The following HTR4 variants were observed in gnomAD, a reference collection of about 807,000 sequenced individuals.
The protein encoded by HTR4 is 5-hydroxytryptamine (serotonin) receptor 4, G protein-coupled.
A neutral mutation model predicts 36.8 loss-of-function variants in HTR4; 16 were observed. That is an observed-to-expected ratio of 0.43 (90% confidence interval 0.29 to 0.66). The LOEUF is 0.66. HTR4 is among the 30% of genes least tolerant of loss of function. The pLI, the probability that HTR4 is intolerant of heterozygous loss-of-function variation, is 0.13. For missense variants in HTR4, 438 were observed against 490.9 expected (o/e 0.89, Z 1.02); for synonymous variants, 189 against 185.1 (o/e 1.02, Z -0.17).
At chr5:148,572,101 C>T (rs529776147) in intron 2 of HTR4, among the ~76,000 whole-genome samples, 11 of 152,048 alleles carry the variant, frequency 7.2e-5, no homozygotes, top group African/African-American at 1.9e-4. Context: ...TAATATGCAA[C>T]GTAATGTAAT....
chr5:148,652,736 C>T (rs964104919), intron 1 of HTR4, among the ~76,000 whole-genome samples: 1 of 151,996 alleles, frequency 6.6e-6, no homozygotes, highest in Middle Eastern at 3.2e-3. Flanking sequence ...CTGTGGCTCT[C>T]CTCTATAATA....
intron 2 of HTR4, among the ~76,000 whole-genome samples, chr5:148,575,710 T>A (rs762854673): frequency 6.6e-6 from 1 of 152,034 alleles, no homozygotes; most frequent in Non-Finnish European, 1.5e-5. Flanking sequence ...AGTCATAAAA[T>A]TGACTGCTAC....
intron 5 of HTR4, among the ~76,000 whole-genome samples, chr5:148,511,916 C>G (rs775886862): frequency 9.9e-5 from 15 of 152,116 alleles, no homozygotes; most frequent in Admixed American, 2.0e-4. Flanking sequence ...GTGTTTTTGA[C>G]TCTTTCCATT....
In HTR4 at chr5:148,481,989, A is replaced by G. The variant is rs1755908716; in HGVS notation, c.*1214T>C. 16 of 1,009,028 alleles carry G rather than the reference A, an allele frequency of 1.6e-5. No individual in the cohort carries two copies. Among genetic ancestry groups the G allele is most frequent in the Non-Finnish European group, 1.9e-5 (16 of 845,990 alleles). 62.5% of individuals were successfully genotyped at this position (1,009,028 alleles called of 1,614,324 possible). A position where few individuals can be genotyped will look rare whatever the true frequency, so the allele number is the denominator to read the frequency against. On this transcript the variant is annotated 3_prime_UTR_variant, in exon 7 of 7. Coordinates refer to ENST00000377888, the MANE Select transcript of HTR4 (RefSeq NM_000870.7). ...CTATAGCAGCATACTGTTGTCTTAG[A>G]AACAGAAAGAAAACTTAAAGGTCCT... is the stretch of plus-strand genomic sequence containing the variant.
intron 4 of HTR4, among the ~76,000 whole-genome samples, chr5:148,533,427 T>A (rs1271492318): frequency 6.6e-6 from 1 of 152,228 alleles, no homozygotes; most frequent in Non-Finnish European, 1.5e-5. Flanking sequence ...AAATGTGTGA[T>A]CAAATTGCTT....
intron 6 of HTR4, among the ~76,000 whole-genome samples, chr5:148,508,444 C>T (rs1213743975): frequency 6.6e-6 from 1 of 152,170 alleles, no homozygotes; most frequent in Non-Finnish European, 1.5e-5. Context: ...ACTCCAAAGT[C>T]ACTTCCACCT....
rs1253024128 is a variant in HTR4 at position 148,540,425 on chromosome 5, T to C, written c.353+8243A>G. Reference sequence around the variant, plus strand: ...GTATATATATATATATATATATATATATATATATATATATATATATATAAT... The same window carrying C: ...GTATATATATATATATATATATATACATATATATATATATATATATATAAT... On this transcript the variant is annotated intron_variant, in intron 4 of 6. Coordinates refer to ENST00000377888, the MANE Select transcript of HTR4 (RefSeq NM_000870.7). 5.9e-5 allele frequency among the ~76,000 whole-genome samples: 8 copies of C among 135,548 alleles called. No homozygotes were observed. In the East Asian group the frequency reaches 1.7e-3, roughly 29 times the overall value. The allele number at this position is 135,548 out of a possible 152,430, so 88.9% of individuals were successfully genotyped here. A position where few individuals can be genotyped will look rare whatever the true frequency, so the allele number is the denominator to read the frequency against.
At chr5:148,477,665 G>T (rs964829020), downstream of HTR4, among the ~76,000 whole-genome samples, 2 of 152,154 alleles carry the variant, frequency 1.3e-5, no homozygotes, top group African/African-American at 4.8e-5. Flanking sequence ...CATGTAAAAT[G>T]CTTTCACCAA....
At chr5:148,465,970 G>A (rs1323016447) in intron 5 of HTR4, 1 of 1,589,950 alleles carries the variant, frequency 6.3e-7, no homozygotes, top group Non-Finnish European at 8.5e-7. Context: ...GGAGAGCCAA[G>A]CAGAATTTGG....
intron 2 of HTR4, among the ~76,000 whole-genome samples, chr5:148,609,599 G>A (rs1167067893): frequency 1.5e-5 from 2 of 136,922 alleles, no homozygotes. Flanking sequence ...TTTTTTTTGA[G>A]ACTCCGCCCA....
chr5:148,595,702 T>C (rs933398548), intron 2 of HTR4, among the ~76,000 whole-genome samples: 10 of 152,234 alleles, frequency 6.6e-5, no homozygotes. Flanking sequence ...GCAATTTGTA[T>C]TGATTCCAAA....
intron 4 of HTR4, among the ~76,000 whole-genome samples, chr5:148,526,091 G>A (rs376026204): frequency 4.9e-4 from 74 of 152,208 alleles, no homozygotes; most frequent in African/African-American, 1.0e-3. Context: ...AGGGATAATC[G>A]CCCTATTGAT....
Position 148,503,497 on chromosome 5 carries a change from A to G in HTR4, c.1076+5959T>C, listed in dbSNP as rs562917756. 8.5e-5 allele frequency among the ~76,000 whole-genome samples: 13 copies of G among 152,368 alleles called. No individual in the cohort carries two copies. In the South Asian group the frequency reaches 2.7e-3, roughly 32 times the overall value. ...TAAAAGAGCTCCTTAAGGAAGCACT[A>G]AACATGGAAAGGAACAATCAGTACC... is the stretch of plus-strand genomic sequence containing the variant. On this transcript the variant is annotated intron_variant, in intron 6 of 6. Coordinates refer to ENST00000377888, the MANE Select transcript of HTR4 (RefSeq NM_000870.7).
intron 1 of HTR4, chr5:148,644,932 G>A (rs1753837999): frequency 6.6e-6 from 1 of 152,126 alleles, no homozygotes; most frequent in Non-Finnish European, 1.5e-5. Context: ...GTCTGTTCCA[G>A]CTATTTAGCT....
chr5:148,568,742 T>C (rs1396536844), intron 2 of HTR4, among the ~76,000 whole-genome samples: 2 of 152,156 alleles, frequency 1.3e-5, no homozygotes, highest in Non-Finnish European at 2.9e-5. Context: ...GCTTTTTGGA[T>C]GCTAATTTGG....
At chr5:148,650,700 TC>T (rs1427925489) in intron 1 of HTR4, among the ~76,000 whole-genome samples, 1 of 152,136 alleles carries the variant, frequency 6.6e-6, no homozygotes, top group Non-Finnish European at 1.5e-5. Flanking sequence ...CCCCTGCACC[TC>T]CCCACTTTTC....
chr5:148,634,387 A>C (rs1753450598), intron 2 of HTR4, among the ~76,000 whole-genome samples: 1 of 152,210 alleles, frequency 6.6e-6, no homozygotes, highest in Admixed American at 6.5e-5. Context: ...TATGTATTGA[A>C]ATAAAATATC....
At position 148,654,100 on chromosome 5, in the gene HTR4, T is replaced by C. The variant is rs1418224656; in HGVS notation, c.-86A>G. The C allele has an allele frequency of 2.0e-6, 2 of 985,348 alleles. No homozygotes were observed. The highest frequency in any genetic ancestry group is 1.2e-4 in the Admixed American group (2 of 16,274). The allele number at this position is 985,348 out of a possible 1,614,324, so 61.0% of individuals were successfully genotyped here. A position where few individuals can be genotyped will look rare whatever the true frequency, so the allele number is the denominator to read the frequency against. ...CGAGGGAGCGAGGTGCCCTGGCAGA[T>C]TCGAGCGGCCACCCCCAGCCGCTGA... On this transcript the variant is annotated 5_prime_UTR_variant, in exon 1 of 7. Transcript: ENST00000377888.
chr5:148,466,066 T>C, intron 5 of HTR4: 2 of 1,480,696 alleles, frequency 1.4e-6, no homozygotes, highest in Middle Eastern at 2.1e-4. Flanking sequence ...TAAAGTGCTT[T>C]TAGAGGAGGA....
Sources: gnomAD v4.1 joint callset for allele counts (sites outside exome capture counted in the v4.1 genomes callset) on GRCh38, gnomAD v4.1.1 for gene constraint, MANE v1.5 for transcripts, NCBI Gene and HGNC (gene_info 2026-07-23, HGNC 2026-07-21) for gene names.